The following LCOR variants were observed in gnomAD, a reference collection of about 807,000 sequenced individuals.
LCOR encodes the protein ligand dependent nuclear receptor corepressor.
In LCOR, 14 loss-of-function variants were observed where a neutral mutation model predicts 64.4. The ratio of observed to expected loss-of-function variants is 0.22; its 90% CI spans 0.14 to 0.34. LCOR has a LOEUF of 0.34. Among genes scored for constraint, LCOR ranks in the 10% least tolerant of loss-of-function variants. The pLI, the probability that LCOR is intolerant of heterozygous loss-of-function variation, is 1.00. For missense variants in LCOR, 1,686 were observed against 1,765.3 expected (o/e 0.96, Z 0.80); for synonymous variants, 643 against 642.5 (o/e 1.00, Z -0.01).
chr10:96,904,365 G>A (rs1846691773), intron 2 of LCOR, among the ~76,000 whole-genome samples: 1 of 152,192 alleles, frequency 6.6e-6, no homozygotes, highest in African/African-American at 2.4e-5. Flanking sequence ...AGCAGGAAAG[G>A]TCTGGTAAGT....
intron 2 of LCOR, among the ~76,000 whole-genome samples, chr10:96,858,214 A>G (rs1050769176): frequency 2.6e-5 from 4 of 152,204 alleles, no homozygotes; most frequent in African/African-American, 9.6e-5. Context: ...GTGATGAGAC[A>G]CTTGAAACGT....
intron 4 of LCOR, among the ~76,000 whole-genome samples, chr10:96,924,605 A>C (rs1344639668): frequency 6.6e-6 from 1 of 151,850 alleles, no homozygotes; most frequent in Admixed American, 6.6e-5. Context: ...GGACTAGTAC[A>C]AAAATACCTA....
At chr10:96,858,778 C>G (rs1336552878) in intron 2 of LCOR, among the ~76,000 whole-genome samples, 5 of 152,028 alleles carry the variant, frequency 3.3e-5, no homozygotes, top group African/African-American at 1.2e-4. Flanking sequence ...CTATCAGGAC[C>G]TCACAGATCC....
At chr10:96,956,322 C>T (rs904321160) in intron 7 of LCOR, 4 of 992,304 alleles carry the variant, frequency 4.0e-6, no homozygotes, top group African/African-American at 3.5e-5. Flanking sequence ...TTAGAAACTA[C>T]GTCTGTCATA....
chr10:96,983,423 A>G lies in LCOR; in HGVS notation c.2963A>G (p.Glu988Gly). 1 of 1,614,206 alleles carries G rather than the reference A, an allele frequency of 6.2e-7. No individual in the cohort carries two copies. The highest frequency in any genetic ancestry group is 8.5e-7 in the Non-Finnish European group (1 of 1,180,054). Reference protein sequence around the residue: ...EPGHIPTQHVEEAVNEVDNEN... With the variant: ...EPGHIPTQHVGEAVNEVDNEN... ...GGGCATATTCCCACACAGCATGTGG[A>G]GGAGGCTGTGAATGAGGTAGACAAC... Residue 988 changes from glutamate to glycine, a missense_variant, in exon 8 of 8, where the codon GAG becomes GGG. This residue lies in a region of LCOR where 1,293 missense variants were observed against 1,410.4 expected (regional missense o/e 0.92). Coordinates refer to ENST00000421806, the MANE Select transcript of LCOR (RefSeq NM_001346516.2). The surrounding 1 kb of genome is among the most constrained non-coding windows in gnomAD (Gnocchi z 4.5).
chr10:96,967,989 C>T (rs117591115), intron 7 of LCOR, among the ~76,000 whole-genome samples: 1 of 152,212 alleles, frequency 6.6e-6, no homozygotes, highest in Non-Finnish European at 1.5e-5. Context: ...TCCACTGAAT[C>T]AGTTTATAGG....
intron 7 of LCOR, 44 bp from the exon 8 acceptor site, chr10:96,980,749 G>A: frequency 1.6e-6 from 1 of 622,660 alleles, no homozygotes; most frequent in Non-Finnish European, 2.9e-6. Flanking sequence ...ATGGTTCTTT[G>A]GTAAATGACA....
At chr10:96,869,023 A>T (rs1257928688) in intron 2 of LCOR, among the ~76,000 whole-genome samples, 2 of 152,160 alleles carry the variant, frequency 1.3e-5, no homozygotes, top group Admixed American at 6.5e-5. Context: ...CTCCCACCTC[A>T]GCCTCCAGAG....
At position 96,982,569 on chromosome 10, in the gene LCOR, G is replaced by C. The variant is rs1334595215; in HGVS notation, c.2109G>C (p.Gln703His). The change falls in exon 8 of 8, where the codon CAG (glutamine) becomes CAC (histidine). Residue 703 changes from glutamine (Q) to histidine (H), a missense_variant. Gln to His is a conservative substitution (Grantham distance 24, BLOSUM62 0). Transcript: ENST00000421806. ...PEIVSREESP[Q>H]CSENQSSPMG... ...TAGTCAGTAGAGAAGAAAGTCCTCA[G>C]TGCTCAGAAAATCAGAGTTCCCCAA... 1 of 1,614,144 alleles carries C rather than the reference G, an allele frequency of 6.2e-7. No individual in the cohort carries two copies. The highest frequency in any genetic ancestry group is 8.5e-7 in the Non-Finnish European group (1 of 1,180,032).
At position 96,955,526 on chromosome 10, in the gene LCOR, A is replaced by G. The variant is rs780852023; in HGVS notation, c.332+3330A>G. ...CTATTCTTCCAAAACAAAGTAGAAA[A>G]AGCATGTTAGATGCTGGACCCGATT... On this transcript the variant is annotated intron_variant, in intron 7 of 7. Coordinates refer to ENST00000421806, the MANE Select transcript of LCOR (RefSeq NM_001346516.2). The G allele has an allele frequency of 6.8e-6, 11 of 1,614,124 alleles. No homozygotes were observed. In the South Asian group the frequency reaches 1.1e-4, roughly 16 times the overall value.
intron 7 of LCOR, among the ~76,000 whole-genome samples, chr10:96,971,720 G>A (rs1848000871): frequency 6.6e-6 from 1 of 152,186 alleles, no homozygotes; most frequent in African/African-American, 2.4e-5. Context: ...ACTCTAAAAT[G>A]AGAAACGAGG....
At chr10:96,918,238 A>G (rs1338821841) in intron 4 of LCOR, among the ~76,000 whole-genome samples, 1 of 152,036 alleles carries the variant, frequency 6.6e-6, no homozygotes, top group Non-Finnish European at 1.5e-5. Flanking sequence ...CTGGCCCCAT[A>G]CTCTATAATG....
chr10:96,860,507 C>T (rs532075690), intron 2 of LCOR, among the ~76,000 whole-genome samples: 81 of 152,300 alleles, frequency 5.3e-4, no homozygotes, highest in Non-Finnish European at 6.8e-4. Flanking sequence ...GGAGCATGGC[C>T]ATGCCAATAC....
chr10:96,962,244 G>A (rs1847893453), intron 7 of LCOR: 1 of 152,108 alleles, frequency 6.6e-6, no homozygotes, highest in African/African-American at 2.4e-5. Context: ...TTGAGAGAAG[G>A]TGAGGGGGAA....
intron 4 of LCOR, among the ~76,000 whole-genome samples, chr10:96,924,577 A>G (rs1847135873): frequency 6.6e-6 from 1 of 152,022 alleles, no homozygotes; most frequent in African/African-American, 2.4e-5. Context: ...GTAATTTCAC[A>G]CTTACAGAAA....
intron 2 of LCOR, among the ~76,000 whole-genome samples, chr10:96,855,016 A>C (rs1353045474): frequency 6.6e-6 from 1 of 151,982 alleles, no homozygotes; most frequent in African/African-American, 2.4e-5. Flanking sequence ...TTAGGGAGTC[A>C]CCTTTTCTGC....
intron 7 of LCOR, among the ~76,000 whole-genome samples, chr10:96,966,841 TC>T (rs1412537619): frequency 1.3e-5 from 2 of 152,188 alleles, no homozygotes; most frequent in Non-Finnish European, 2.9e-5. Context: ...GCTTACGTGA[TC>T]CTCCCACCTC....
At chr10:96,914,683 C>A (rs1237989007) in intron 4 of LCOR, among the ~76,000 whole-genome samples, 10 of 152,148 alleles carry the variant, frequency 6.6e-5, no homozygotes, top group African/African-American at 1.2e-4. Context: ...ATCAGAAAGC[C>A]ACTATAAAAC....
chr10:96,944,799 A>G (rs1847558513), intron 5 of LCOR, among the ~76,000 whole-genome samples: 2 of 152,110 alleles, frequency 1.3e-5, no homozygotes, highest in South Asian at 2.1e-4. Flanking sequence ...AACCTCTTGC[A>G]TTTTTAAAAT....
Sources: allele counts gnomAD v4.1 joint callset (sites outside exome capture counted in the v4.1 genomes callset), GRCh38; gene constraint gnomAD v4.1.1; regional missense constraint gnomAD v4.1.1; non-coding constraint Gnocchi (gnomAD v3.1); transcripts MANE v1.5; gene names NCBI Gene and HGNC (gene_info 2026-07-23, HGNC 2026-07-21).